SMC3: variants seen among roughly 807,000 people sequenced by gnomAD.
The protein encoded by SMC3 is structural maintenance of chromosomes 3.
A neutral mutation model predicts 171.8 loss-of-function variants in SMC3; 20 were observed. That is an observed-to-expected ratio of 0.12 (90% confidence interval 0.08 to 0.17). The LOEUF (loss-of-function observed/expected upper bound fraction) is 0.17, where lower values mean the gene tolerates loss of function less well. Among genes scored for constraint, SMC3 ranks in the 10% least tolerant of loss-of-function variants. SMC3 has a pLI of 1.00. For synonymous variants in SMC3, 464 were observed against 451.1 expected (o/e 1.03, Z -0.36); for missense variants, 543 against 1,420.4 (o/e 0.38, Z 9.93).
rs80217102 is a variant in SMC3 at position 110,577,628 on chromosome 10, A to G, written c.270+136A>G. The G allele has an allele frequency of 1.6e-3, 1,167 of 729,120 alleles. 12 individuals are homozygous for G. The African/African-American group carries it at 0.017, about 11-fold the overall frequency. 45.2% of individuals were successfully genotyped at this position (729,120 alleles called of 1,614,324 possible). On this transcript the variant is annotated intron_variant, in intron 5 of 28. Transcript: ENST00000361804. ...ATACTGATTTTATCTTAAAATGACA[A>G]TGAATACTCTGTTAACAAATGGGAA...
At chr10:110,598,409 A>ATT in intron 20 of SMC3, 119 bp downstream of exon 20, 1 of 1,134,276 alleles carries the variant, frequency 8.8e-7, no homozygotes, top group Admixed American at 2.0e-5. Context: ...TTGGACCCAT[A>ATT]CTTTTTTTTT....
chr10:110,601,686 G>A lies in SMC3; in HGVS notation c.2694G>A (p.Gln898=). The change falls in exon 24 of 29, where the codon CAG becomes CAA. Residue 898 remains glutamine (Q), a synonymous_variant. Coordinates refer to ENST00000361804, the MANE Select transcript of SMC3 (RefSeq NM_005445.4). The stretch of plus-strand genomic sequence containing the variant: ...CAGAAGCTGGAATTAAGGAGCTTCA[G>A]AAGAGTATGGAGCGCTGGAAAAATA... ...DKTEAGIKEL[Q]KSMERWKNME... 8 of 1,612,944 alleles carry A rather than the reference G, an allele frequency of 5.0e-6. No homozygotes were observed. Among genetic ancestry groups the A allele is most frequent in the Non-Finnish European group, 6.8e-6 (8 of 1,179,484 alleles).
intron 6 of SMC3, 128 bp from the exon 7 acceptor site, chr10:110,578,500 G>A: frequency 1.4e-6 from 1 of 692,734 alleles, no homozygotes. Flanking sequence ...AAAGTTCTGA[G>A]GATGATACAG....
chr10:110,577,683 T>G, intron 5 of SMC3, 152 bp from the exon 6 acceptor site: 1 of 693,078 alleles, frequency 1.4e-6, no homozygotes, highest in African/African-American at 1.8e-5. Context: ...AGTGTCTTGG[T>G]TAAGAGTATT....
intron 15 of SMC3, 67 bp downstream of exon 15, chr10:110,590,058 T>G (rs1291883134): frequency 1.4e-6 from 2 of 1,414,298 alleles, no homozygotes; most frequent in Non-Finnish European, 2.0e-6. Flanking sequence ...TGTAATAATT[T>G]TTTACCTTTC....
intron 2 of SMC3, among the ~76,000 whole-genome samples, chr10:110,571,958 G>A (rs1411959181): frequency 2.0e-5 from 3 of 152,000 alleles, no homozygotes; most frequent in Admixed American, 2.0e-4. Flanking sequence ...ATTCTTAAAA[G>A]GAAATTCTTA....
In SMC3 at chr10:110,604,470, G is replaced by A; in HGVS notation, c.*168G>A. The A allele has an allele frequency of 3.6e-6, 2 of 558,324 alleles. No homozygotes were observed. The highest frequency in any genetic ancestry group is 6.4e-6 in the Non-Finnish European group (2 of 314,712). The allele number at this position is 558,324 out of a possible 1,614,324, so 34.6% of individuals were successfully genotyped here. On this transcript the variant is annotated 3_prime_UTR_variant, in exon 29 of 29. Coordinates refer to ENST00000361804, the MANE Select transcript of SMC3 (RefSeq NM_005445.4). Reference sequence around the variant, plus strand: ...TTTATAAGATACTCTGTAATGTCATGTTTGTACTGATAGTTTAAGAATTTA... The same window carrying A: ...TTTATAAGATACTCTGTAATGTCATATTTGTACTGATAGTTTAAGAATTTA...
chr10:110,587,327 G>T (rs921994290), intron 13 of SMC3, among the ~76,000 whole-genome samples: 22 of 152,284 alleles, frequency 1.4e-4, no homozygotes, highest in African/African-American at 5.3e-4. Flanking sequence ...CATGGTGTCA[G>T]AAAGGGAACC....
Position 110,584,184 on chromosome 10 carries a change from T to C in SMC3, c.1093T>C (p.Leu365=). Residue 365 remains leucine (L), a splice_region_variant and synonymous_variant, in exon 13 of 29, where the codon TTG becomes CTG. Transcript: ENST00000361804. ...KEKEERGIAR[L]AQATQERTDL... ...CCCATTTGCTTCTATTTTGTGTAGATTGGCTCAAGCTACCCAGGAAAGAAC... is the reference window on the plus strand; with the variant it reads ...CCCATTTGCTTCTATTTTGTGTAGACTGGCTCAAGCTACCCAGGAAAGAAC... The C allele has an allele frequency of 1.2e-6, 2 of 1,613,782 alleles. No homozygotes were observed. Among genetic ancestry groups the C allele is most frequent in the Non-Finnish European group, 1.7e-6 (2 of 1,179,800 alleles).
rs1483761859 is a variant in SMC3 at position 110,582,131 on chromosome 10, A to G, written c.723+33A>G. 11 of 1,571,384 alleles carry G rather than the reference A, an allele frequency of 7.0e-6. No individual in the cohort carries two copies. In the Admixed American group the frequency reaches 1.0e-4, roughly 14 times the overall value. On this transcript the variant is annotated intron_variant, in intron 9 of 28. Coordinates refer to ENST00000361804, the MANE Select transcript of SMC3 (RefSeq NM_005445.4). ...ATTTACCTGTGACACTTAAAATCAG[A>G]TTAATTTTGTTTTTATGAATTTGTT... is the stretch of plus-strand genomic sequence containing the variant.
chr10:110,572,463 C>T (rs1860886590), intron 2 of SMC3, among the ~76,000 whole-genome samples: 1 of 152,102 alleles, frequency 6.6e-6, no homozygotes, highest in South Asian at 2.1e-4. Flanking sequence ...CACAGCCTTC[C>T]TTTGTCTTTT....
At chr10:110,590,214 A>G (rs1861184297) in intron 15 of SMC3, among the ~76,000 whole-genome samples, 198 bp from the exon 16 acceptor site, 1 of 152,238 alleles carries the variant, frequency 6.6e-6, no homozygotes, top group Admixed American at 6.5e-5. Flanking sequence ...TTTTAACACT[A>G]CTGTTATGGA....
At chr10:110,603,116 A>G (rs1043787797) in intron 27 of SMC3, 68 bp from the exon 28 acceptor site, 21 of 1,524,100 alleles carry the variant, frequency 1.4e-5, no homozygotes, top group Non-Finnish European at 1.8e-5. Flanking sequence ...AAGAGTAAAG[A>G]TAGTTGCTTT....
chr10:110,590,565 G>A lies in SMC3; in HGVS notation c.1663G>A (p.Gly555Arg). ...CTACACATGCGTGGAAGTCACTGCT[G>A]GAAACAGGTTAAAGCTTTTGCTTGA... Reference protein sequence around the residue: ...AFYTCVEVTAGNRLFYHIVDS... With the variant: ...AFYTCVEVTARNRLFYHIVDS... Residue 555 changes from glycine to arginine, a missense_variant, in exon 16 of 29, where the codon GGA (glycine) becomes AGA (arginine). By Grantham distance (125) the Gly-to-Arg change is moderately radical. Transcript: ENST00000361804. 6.2e-7 allele frequency: 1 copy of A among 1,613,970 alleles called. No homozygotes were observed. Among genetic ancestry groups the A allele is most frequent in the Non-Finnish European group, 8.5e-7 (1 of 1,179,876 alleles).
chr10:110,585,954 C>A (rs1035720895), intron 13 of SMC3, among the ~76,000 whole-genome samples: 2 of 151,916 alleles, frequency 1.3e-5, no homozygotes, highest in Non-Finnish European at 2.9e-5. Context: ...CATGCCACCA[C>A]GCCTGGCTAA....
rs188576823 is a variant in SMC3 at position 110,572,132 on chromosome 10, C to G, written c.92-1575C>G. 1.9e-3 allele frequency among the ~76,000 whole-genome samples: 293 copies of G among 152,290 alleles called. 2 individuals carry two copies. Among genetic ancestry groups the G allele is most frequent in the African/African-American group, 6.6e-3 (276 of 41,572 alleles). On this transcript the variant is annotated intron_variant, in intron 2 of 28. Coordinates refer to ENST00000361804, the MANE Select transcript of SMC3 (RefSeq NM_005445.4). ...TCATAAACCCTTTACCTAGATTCACCTGTTGTTAACATTTTCCCCACTTGC... is the reference window on the plus strand; with the variant it reads ...TCATAAACCCTTTACCTAGATTCACGTGTTGTTAACATTTTCCCCACTTGC...
intron 13 of SMC3, among the ~76,000 whole-genome samples, chr10:110,585,115 G>A (rs1233258657): frequency 2.6e-5 from 4 of 151,648 alleles, no homozygotes; most frequent in African/African-American, 7.3e-5. Flanking sequence ...TGAGTAGCTG[G>A]GATTACAGGC....
intron 17 of SMC3, 39 bp downstream of exon 17, chr10:110,591,171 A>G: frequency 6.3e-7 from 1 of 1,595,932 alleles, no homozygotes; most frequent in Non-Finnish European, 8.6e-7. Flanking sequence ...CTCTTTTATA[A>G]TGTTATTTTT....
intron 13 of SMC3, among the ~76,000 whole-genome samples, chr10:110,586,789 CT>C (rs1564791284): frequency 2.0e-5 from 3 of 152,118 alleles, no homozygotes. Flanking sequence ...TCCCATGTAG[CT>C]GAGATTACAG....
Sources: gnomAD v4.1 joint callset for allele counts (sites outside exome capture counted in the v4.1 genomes callset) on GRCh38, gnomAD v4.1.1 for gene constraint, MANE v1.5 for transcripts, NCBI Gene and HGNC (gene_info 2026-07-23, HGNC 2026-07-21) for gene names.